Variants in GABARAPL2 observed in about 807,000 individuals in gnomAD.
The protein encoded by GABARAPL2 is GABA type A receptor associated protein like 2, also known as gamma-aminobutyric acid receptor-associated protein-like 2.
A neutral mutation model predicts 16.9 loss-of-function variants in GABARAPL2; 11 were observed. The ratio of observed to expected loss-of-function variants is 0.65; its 90% confidence interval spans 0.41 to 1.08. The LOEUF (loss-of-function observed/expected upper bound fraction) is 1.08. Ranked by LOEUF, GABARAPL2 falls within the 50% of genes least tolerant of loss-of-function variation. The probability of loss-of-function intolerance (pLI) is 0.00; values close to 1 mark genes in which losing one functional copy is unlikely to be tolerated. For synonymous variants in GABARAPL2, 57 were observed against 50.7 expected (o/e 1.12, Z -0.53); for missense variants, 134 against 142.5 (o/e 0.94, Z 0.30).
chr16:75,575,983 G>A (rs1429771665), intron 3 of GABARAPL2: 1 of 152,226 alleles, frequency 6.6e-6, no homozygotes, highest in Non-Finnish European at 1.5e-5. Context: ...AGACTTTCAA[G>A]TGCTGAATGT....
chr16:75,574,362 C>A (rs1468454670), intron 3 of GABARAPL2, among the ~76,000 whole-genome samples: 1 of 152,212 alleles, frequency 6.6e-6, no homozygotes, highest in Non-Finnish European at 1.5e-5. Context: ...TATGGGGCGA[C>A]TCTGAATTGC....
At chr16:75,568,785 G>A (rs1267114988) in intron 3 of GABARAPL2, among the ~76,000 whole-genome samples, 1 of 152,242 alleles carries the variant, frequency 6.6e-6, no homozygotes, top group East Asian at 1.9e-4. Context: ...CTGCCTGGAA[G>A]CAATCTTTGG....
chr16:75,568,460 T>C (rs2080896703), intron 3 of GABARAPL2: 4 of 345,000 alleles, frequency 1.2e-5, no homozygotes, highest in South Asian at 1.3e-4. Context: ...TCTCCAAGAA[T>C]CTTTTAAAAC....
chr16:75,574,425 T>A lies in GABARAPL2; in HGVS notation c.264-2854T>A, dbSNP rs541961917. ...CCATCTGGTAGTGGCAGCGGGGAGA[T>A]GTTACGACAGTTGTCATCAAGATCA... On this transcript the variant is annotated intron_variant, in intron 3 of 3. Coordinates refer to ENST00000037243, the MANE Select transcript of GABARAPL2 (RefSeq NM_007285.7). 3.9e-5 allele frequency among the ~76,000 whole-genome samples: 6 copies of A among 152,272 alleles called. No individual in the cohort carries two copies. The South Asian group carries it at 1.2e-3, about 32-fold the overall frequency.
intron 3 of GABARAPL2, among the ~76,000 whole-genome samples, chr16:75,574,000 G>A (rs969432153): frequency 2.0e-4 from 31 of 152,228 alleles, no homozygotes; most frequent in African/African-American, 7.5e-4. Context: ...TTTACTATCA[G>A]CTTCTGTAGC....
At chr16:75,573,562 C>T (rs534978586) in intron 3 of GABARAPL2, among the ~76,000 whole-genome samples, 30 of 152,334 alleles carry the variant, frequency 2.0e-4, no homozygotes, top group Non-Finnish European at 2.8e-4. Context: ...TAAGTTCTTA[C>T]GCACTGAGGC....
Position 75,566,394 on chromosome 16 carries a change from T to G in GABARAPL2, c.-93T>G. ...CCTGCCGTGTAGTCGCCGCCGTCGC[T>G]GCCGCTGCCGCTGCCGCCGTCGTTG... On this transcript the variant is annotated 5_prime_UTR_variant, in exon 1 of 4. Coordinates refer to ENST00000037243, the MANE Select transcript of GABARAPL2 (RefSeq NM_007285.7). 1.0e-6 allele frequency: 1 copy of G among 955,534 alleles called. No homozygotes were observed. The allele number at this position is 955,534 out of a possible 1,614,324, so 59.2% of individuals were successfully genotyped here. A position where few individuals can be genotyped will look rare whatever the true frequency, so the allele number is the denominator to read the frequency against.
At chr16:75,567,692 T>G (rs1567444627) in intron 2 of GABARAPL2, among the ~76,000 whole-genome samples, 1 of 152,136 alleles carries the variant, frequency 6.6e-6, no homozygotes. Context: ...TCCTGTAGTG[T>G]GAAGGTGGAT....
chr16:75,567,972 T>A, intron 2 of GABARAPL2, 65 bp from the exon 3 acceptor site: 1 of 1,309,610 alleles, frequency 7.6e-7, no homozygotes. Context: ...CATCAGCTCC[T>A]CAGCCATGTG....
At chr16:75,574,113 C>T (rs1400553885) in intron 3 of GABARAPL2, among the ~76,000 whole-genome samples, 1 of 152,200 alleles carries the variant, frequency 6.6e-6, no homozygotes, top group Non-Finnish European at 1.5e-5. Flanking sequence ...TGTGGGCCTC[C>T]TGTCCTGCCA....
chr16:75,577,093 GC>G, intron 3 of GABARAPL2, 185 bp from the exon 4 acceptor site: 2 of 522,840 alleles, frequency 3.8e-6, no homozygotes, highest in Non-Finnish European at 6.9e-6. Flanking sequence ...AAATGGCTTT[GC>G]CTTCTGCAGA....
At chr16:75,571,677 T>C (rs2080915360) in intron 3 of GABARAPL2, among the ~76,000 whole-genome samples, 1 of 151,930 alleles carries the variant, frequency 6.6e-6, no homozygotes, top group African/African-American at 2.4e-5. Context: ...AGGACTTTTT[T>C]TTTTTTTTTG....
intron 3 of GABARAPL2, chr16:75,576,995 C>T (rs1483438476): frequency 2.0e-5 from 6 of 304,090 alleles, no homozygotes; most frequent in Middle Eastern, 2.1e-3. Flanking sequence ...TTCCCTTGTC[C>T]TTGGCATTTA....
chr16:75,567,008 T>C (rs898982776), intron 2 of GABARAPL2, 101 bp downstream of exon 2: 1 of 1,044,862 alleles, frequency 9.6e-7, no homozygotes, highest in Non-Finnish European at 1.5e-6. Flanking sequence ...GAGGTTCCAG[T>C]CCCAGTTACA....
At chr16:75,567,954 ACT>A in intron 2 of GABARAPL2, 81 bp from the exon 3 acceptor site, 3 of 1,058,376 alleles carry the variant, frequency 2.8e-6, no homozygotes, top group African/African-American at 1.6e-5. Context: ...CCTTGCCCAC[ACT>A]CTGTTCATCA....
At position 75,568,201 on chromosome 16, in the gene GABARAPL2, A is replaced by G; in HGVS notation, c.255A>G (p.Pro85=). 6.2e-7 allele frequency: 1 copy of G among 1,607,836 alleles called. No individual in the cohort carries two copies. The highest frequency in any genetic ancestry group is 8.5e-7 in the Non-Finnish European group (1 of 1,174,600). Reference sequence around the variant, plus strand: ...TCCTGTTTGTGGATAAGACAGTCCCACAGTCCAGGTGAGAGGTGTTTACTA... The same window carrying G: ...TCCTGTTTGTGGATAAGACAGTCCCGCAGTCCAGGTGAGAGGTGTTTACTA... The part of the protein sequence containing the change: ...AIFLFVDKTV[P]QSSLTMGQLY... Residue 85 remains proline (P), a synonymous_variant, in exon 3 of 4, where the codon CCA becomes CCG. Coordinates refer to ENST00000037243, the MANE Select transcript of GABARAPL2 (RefSeq NM_007285.7).
rs941649969 is a variant in GABARAPL2, at chr16:75,566,397, C to G, written c.-90C>G. 1.3e-5 allele frequency: 13 copies of G among 992,366 alleles called. No individual in the cohort carries two copies. Among genetic ancestry groups the G allele is most frequent in the South Asian group, 2.8e-5 (2 of 72,712 alleles). The allele number at this position is 992,366 out of a possible 1,614,324, so 61.5% of individuals were successfully genotyped here. A position where few individuals can be genotyped will look rare whatever the true frequency, so the allele number is the denominator to read the frequency against. ...GCCGTGTAGTCGCCGCCGTCGCTGCCGCTGCCGCTGCCGCCGTCGTTGTTG... is the reference window on the plus strand; with the variant it reads ...GCCGTGTAGTCGCCGCCGTCGCTGCGGCTGCCGCTGCCGCCGTCGTTGTTG... On this transcript the variant is annotated 5_prime_UTR_variant, in exon 1 of 4. Coordinates refer to ENST00000037243, the MANE Select transcript of GABARAPL2 (RefSeq NM_007285.7).
At chr16:75,567,959 G>A (rs1357862824) in intron 2 of GABARAPL2, 78 bp from the exon 3 acceptor site, 4 of 1,134,202 alleles carry the variant, frequency 3.5e-6, no homozygotes, top group Non-Finnish European at 5.1e-6. Context: ...CCCACACTCT[G>A]TTCATCAGCT....
At chr16:75,575,673 A>C (rs1363729166) in intron 3 of GABARAPL2, 2 of 152,128 alleles carry the variant, frequency 1.3e-5, no homozygotes, top group Non-Finnish European at 2.9e-5. Flanking sequence ...GGATGGTCTC[A>C]ATCTCCTGAC....
Sources: allele counts gnomAD v4.1 joint callset (sites outside exome capture counted in the v4.1 genomes callset), GRCh38; gene constraint gnomAD v4.1.1; transcripts MANE v1.5; gene names NCBI Gene and HGNC (gene_info 2026-07-23, HGNC 2026-07-21).